Variants in SAMMSON observed in about 807,000 individuals in gnomAD.
The protein encoded by SAMMSON is long intergenic non-protein coding RNA 1212.
intron 7 of SAMMSON, among the ~76,000 whole-genome samples, chr3:70,305,989 C>T (rs1279290902): frequency 6.6e-6 from 1 of 152,084 alleles, no homozygotes; most frequent in Non-Finnish European, 1.5e-5. Context: ...ATTCTGATAA[C>T]CATGATAACC....
chr3:70,019,424 A>C (rs558740425), intron 3 of SAMMSON, among the ~76,000 whole-genome samples: 21 of 151,622 alleles, frequency 1.4e-4, no homozygotes, highest in East Asian at 1.4e-3. Flanking sequence ...TTTTTGTTTT[A>C]CATTTGCTTG....
intron 7 of SAMMSON, chr3:70,302,585 T>C (rs1702360403): frequency 6.6e-6 from 1 of 152,200 alleles, no homozygotes; most frequent in South Asian, 2.1e-4. Context: ...TCTTGAAATT[T>C]CTAGTTATCT....
At chr3:70,249,142 A>T (rs1701735740) in exon 5 of SAMMSON, 1 of 152,140 alleles carries the variant, frequency 6.6e-6, no homozygotes, top group African/African-American at 2.4e-5. Context: ...ATCGATGTGG[A>T]TGTACACTTG....
At chr3:70,419,978 A>G (rs1300626620) in intron 2 of SAMMSON, among the ~76,000 whole-genome samples, 1 of 152,202 alleles carries the variant, frequency 6.6e-6, no homozygotes, top group Admixed American at 6.5e-5. Flanking sequence ...TGGTTAATTG[A>G]CATATTCTTC....
chr3:70,076,916 A>C (rs1576115841), intron 4 of SAMMSON, among the ~76,000 whole-genome samples: 1 of 152,154 alleles, frequency 6.6e-6, no homozygotes, highest in East Asian at 1.9e-4. Context: ...AAAATTATAC[A>C]TTTTACAAAA....
At chr3:70,155,465 T>G (rs1270719520) in intron 4 of SAMMSON, among the ~76,000 whole-genome samples, 1 of 152,052 alleles carries the variant, frequency 6.6e-6, no homozygotes. Context: ...TCATTCCTAT[T>G]GTGAGCCTTC....
intron 6 of SAMMSON, among the ~76,000 whole-genome samples, chr3:70,276,044 A>T (rs1293479012): frequency 6.6e-6 from 1 of 152,164 alleles, no homozygotes; most frequent in Non-Finnish European, 1.5e-5. Flanking sequence ...CAAACTTTAA[A>T]AAAAAGTATA....
At chr3:70,231,013 C>T (rs1230918656) in intron 4 of SAMMSON, among the ~76,000 whole-genome samples, 1 of 152,196 alleles carries the variant, frequency 6.6e-6, no homozygotes. Context: ...GGCCTAGCAG[C>T]CCTGGAACAT....
chr3:70,369,287 G>A (rs762249555), intron 9 of SAMMSON, among the ~76,000 whole-genome samples: 5 of 151,390 alleles, frequency 3.3e-5, no homozygotes, highest in African/African-American at 7.3e-5. Context: ...GGATTTTCTC[G>A]ATAGACAATC....
chr3:70,214,452 G>GTA (rs1227988037), intron 4 of SAMMSON, among the ~76,000 whole-genome samples: 4 of 152,052 alleles, frequency 2.6e-5, no homozygotes, highest in Non-Finnish European at 5.9e-5. Context: ...AAAGGCTAAA[G>GTA]TATATTATTC....
chr3:70,400,294 G>A (rs1457403792), intron 2 of SAMMSON, among the ~76,000 whole-genome samples: 3 of 152,150 alleles, frequency 2.0e-5, no homozygotes, highest in African/African-American at 4.8e-5. Context: ...GGCCTAGTGG[G>A]AGGTGTTTGG....
At chr3:70,162,768 T>G (rs2067621236) in intron 4 of SAMMSON, among the ~76,000 whole-genome samples, 1 of 151,684 alleles carries the variant, frequency 6.6e-6, no homozygotes, top group South Asian at 2.1e-4. Flanking sequence ...ATTGTCTCTT[T>G]CTCCTTTTAT....
chr3:70,033,015 TGGA>T (rs2067071575), intron 3 of SAMMSON, among the ~76,000 whole-genome samples: 1 of 152,098 alleles, frequency 6.6e-6, no homozygotes, highest in African/African-American at 2.4e-5. Context: ...AGCTTGTCTG[TGGA>T]GGGCTTTCTC....
exon 2 of SAMMSON, chr3:70,012,360 G>T (rs988539314): frequency 6.6e-6 from 1 of 151,988 alleles, no homozygotes; most frequent in Non-Finnish European, 1.5e-5. Flanking sequence ...TATCCAGGTG[G>T]GCTCAATGTC....
At chr3:70,308,347 A>G (rs1702422775) in intron 7 of SAMMSON, among the ~76,000 whole-genome samples, 2 of 152,154 alleles carry the variant, frequency 1.3e-5, no homozygotes, top group South Asian at 4.1e-4. Flanking sequence ...ATGAGTCACT[A>G]TGCTGAGCAA....
At chr3:70,135,329 A>C (rs1242991604) in intron 4 of SAMMSON, among the ~76,000 whole-genome samples, 1 of 152,204 alleles carries the variant, frequency 6.6e-6, no homozygotes, top group Non-Finnish European at 1.5e-5. Flanking sequence ...CTTATTGAGC[A>C]TAAAAGTAAG....
intron 3 of SAMMSON, among the ~76,000 whole-genome samples, chr3:70,066,338 A>G (rs1352498498): frequency 1.3e-5 from 2 of 152,142 alleles, no homozygotes; most frequent in Admixed American, 1.3e-4. Flanking sequence ...AAATGCATTT[A>G]TAATGTTGTT....
intron 4 of SAMMSON, among the ~76,000 whole-genome samples, chr3:70,124,814 C>CAAAAAAAAAAAA (rs1208323683): frequency 1.7e-3 from 92 of 53,658 alleles, no homozygotes; most frequent in East Asian, 2.8e-3. Context: ...GACTCCATCT[C>CAAAAAAAAAAAA]AAAAAAAAAA....
At chr3:70,258,083 G>C (rs1309654065) in intron 6 of SAMMSON, among the ~76,000 whole-genome samples, 1 of 152,044 alleles carries the variant, frequency 6.6e-6, no homozygotes, top group East Asian at 1.9e-4. Context: ...TATTCATAAG[G>C]AAAAGTTAAA....
Sources: gnomAD v4.1 joint callset for allele counts (sites outside exome capture counted in the v4.1 genomes callset) on GRCh38, gnomAD v4.1.1 for gene constraint, MANE v1.5 for transcripts, NCBI Gene and HGNC (gene_info 2026-07-23, HGNC 2026-07-21) for gene names.